Variants in STN1 observed in about 807,000 individuals in gnomAD.
STN1 encodes CST complex subunit STN1.
A neutral mutation model predicts 45.5 loss-of-function variants in STN1; 29 were observed. That is an observed-to-expected ratio of 0.64 (90% CI 0.47 to 0.87). STN1 has a LOEUF of 0.87. STN1 is among the 40% of genes least tolerant of loss of function. The pLI is 0.00. For synonymous variants in STN1, 148 were observed against 159.0 expected (o/e 0.93, Z 0.52); for missense variants, 376 against 441.4 (o/e 0.85, Z 1.33).
At position 103,900,156 on chromosome 10, in the gene STN1, C is replaced by T; in HGVS notation, c.363G>A (p.Glu121=). Residue 121 remains glutamate, a synonymous_variant, in exon 5 of 10, where the codon GAG becomes GAA. Transcript: ENST00000224950. ...CCCCGATCTCTATCTTTGTTTTCTG[C>T]TCAATGGTCTCTTGTAGCTTCTTAA... ...SQLKKLQETI[E]QKTKIEIGDT... 1 of 1,614,162 alleles carries T rather than the reference C, an allele frequency of 6.2e-7. No individual in the cohort carries two copies. The highest frequency in any genetic ancestry group is 8.5e-7 in the Non-Finnish European group (1 of 1,180,018).
At position 103,878,208 on chromosome 10, in the gene STN1, A is replaced by G. The variant is rs1298115029; in HGVS notation, c.*4476T>C. Reference sequence around the variant, plus strand: ...GCACTATTTGTCTTCTTGCCTACACAAGCTACATGTGGGGTTCACACCTCC... The same window carrying G: ...GCACTATTTGTCTTCTTGCCTACACGAGCTACATGTGGGGTTCACACCTCC... On this transcript the variant is annotated 3_prime_UTR_variant, in exon 10 of 10. Coordinates refer to ENST00000224950, the MANE Select transcript of STN1 (RefSeq NM_024928.5). 1 of 152,218 alleles carries G rather than the reference A, an allele frequency of 6.6e-6. No homozygotes were observed. The highest frequency in any genetic ancestry group is 1.5e-5 in the Non-Finnish European group (1 of 68,042). The allele number at this position is 152,218 out of a possible 1,614,324, so 9.4% of individuals were successfully genotyped here. A position where few individuals can be genotyped will look rare whatever the true frequency, so the allele number is the denominator to read the frequency against.
At chr10:103,910,223 C>T (rs1843280653) in intron 3 of STN1, among the ~76,000 whole-genome samples, 1 of 152,162 alleles carries the variant, frequency 6.6e-6, no homozygotes, top group South Asian at 2.1e-4. Context: ...CAGATATACC[C>T]TTTGGCATCA....
intron 3 of STN1, among the ~76,000 whole-genome samples, chr10:103,909,540 G>A (rs1843276295): frequency 1.5e-5 from 1 of 66,192 alleles, no homozygotes. Context: ...ACATATATAT[G>A]TACATATATA....
At chr10:103,900,734 T>A (rs891753148) in intron 4 of STN1, among the ~76,000 whole-genome samples, 6 of 147,340 alleles carry the variant, frequency 4.1e-5, no homozygotes, top group South Asian at 4.4e-4. Flanking sequence ...ACACACACTC[T>A]CTCTCTCTCT....
Position 103,877,575 on chromosome 10 carries a change from T to C in STN1, c.*5109A>G, listed in dbSNP as rs1225299634. ...ACAGAACCTTTTGCTGTACTGTGATTTACCTATTCAGGTTTATTTAATAAA... is the reference window on the plus strand; with the variant it reads ...ACAGAACCTTTTGCTGTACTGTGATCTACCTATTCAGGTTTATTTAATAAA... On this transcript the variant is annotated 3_prime_UTR_variant, in exon 10 of 10. Coordinates refer to ENST00000224950, the MANE Select transcript of STN1 (RefSeq NM_024928.5). 1 of 152,232 alleles carries C rather than the reference T, an allele frequency of 6.6e-6. No homozygotes were observed. Among genetic ancestry groups the C allele is most frequent in the Non-Finnish European group, 1.5e-5 (1 of 68,038 alleles). 9.4% of individuals were successfully genotyped at this position (152,232 alleles called of 1,614,324 possible). A position where few individuals can be genotyped will look rare whatever the true frequency, so the allele number is the denominator to read the frequency against.
At chr10:103,903,285 ACTCCCCAT>A (rs1158356204) in intron 4 of STN1, among the ~76,000 whole-genome samples, 3 of 152,158 alleles carry the variant, frequency 2.0e-5, no homozygotes, top group African/African-American at 7.2e-5. Flanking sequence ...AACTTTGCTG[ACTCCCCAT>A]CTAGAACAAG....
rs1437446421 is a variant in STN1, at chr10:103,880,477, C to T, written c.*2207G>A. 1.3e-5 allele frequency among the ~76,000 whole-genome samples: 2 copies of T among 152,196 alleles called. No homozygotes were observed. On this transcript the variant is annotated 3_prime_UTR_variant, in exon 10 of 10. Transcript: ENST00000224950. ...TGAACGTGGGGTTTCATTTGGGACC[C>T]TCCCCTCTCTGCCTAGGCATTTGGC...
chr10:103,907,391 T>A (rs1443876803), intron 3 of STN1, among the ~76,000 whole-genome samples: 1 of 152,344 alleles, frequency 6.6e-6, no homozygotes, highest in South Asian at 2.1e-4. Context: ...CATTAAACAG[T>A]GTATTTTGAC....
chr10:103,888,485 C>T (rs1031993254), intron 9 of STN1, among the ~76,000 whole-genome samples: 1 of 152,152 alleles, frequency 6.6e-6, no homozygotes, highest in Non-Finnish European at 1.5e-5. Context: ...AGTGTCTAAC[C>T]ACTAGGGGCT....
chr10:103,917,365 G>A, intron 2 of STN1, 97 bp downstream of exon 2: 1 of 1,172,088 alleles, frequency 8.5e-7, no homozygotes, highest in South Asian at 1.6e-5. Context: ...CTGCAGCAGG[G>A]AAGGCTCTCC....
At chr10:103,893,523 T>C (rs1026698651) in intron 7 of STN1, among the ~76,000 whole-genome samples, 5 of 151,978 alleles carry the variant, frequency 3.3e-5, no homozygotes, top group Admixed American at 3.3e-4. Context: ...AAGATCAGAG[T>C]TCCAAACAAA....
At chr10:103,917,746 A>T (rs1269297903) in intron 1 of STN1, 90 bp from the exon 2 acceptor site, 1 of 746,312 alleles carries the variant, frequency 1.3e-6, no homozygotes, top group Non-Finnish European at 2.1e-6. Context: ...GGCGTCCAGG[A>T]CTCCAGGAGG....
At position 103,910,581 on chromosome 10, in the gene STN1, C is replaced by T. The variant is rs758380334; in HGVS notation, c.175G>A (p.Val59Ile). 4.3e-6 allele frequency: 7 copies of T among 1,611,056 alleles called. No individual in the cohort carries two copies. In the Admixed American group the frequency reaches 6.7e-5, roughly 15 times the overall value. Residue 59 changes from valine (V) to isoleucine (I), a missense_variant, in exon 3 of 10, where the codon GTC becomes ATC. Val to Ile is a conservative substitution (Grantham distance 29). Coordinates refer to ENST00000224950, the MANE Select transcript of STN1 (RefSeq NM_024928.5). ...YNGHPIKQVD[V>I]LGTVIGVRER... ...CTCACTCCAATGACAGTTCCCAAGA[C>T]ATCTACCTGTTTTATTGGATGTCCA...
chr10:103,911,957 T>C (rs1843294982), intron 2 of STN1, among the ~76,000 whole-genome samples: 1 of 152,086 alleles, frequency 6.6e-6, no homozygotes, highest in Non-Finnish European at 1.5e-5. Context: ...GACGTGGTTT[T>C]AAGAAATAAG....
chr10:103,913,124 G>A (rs1843302810), intron 2 of STN1, among the ~76,000 whole-genome samples: 1 of 152,238 alleles, frequency 6.6e-6, no homozygotes, highest in African/African-American at 2.4e-5. Context: ...TTCAGATGGG[G>A]AGAAGAGTGG....
intron 7 of STN1, 67 bp from the exon 8 acceptor site, chr10:103,892,319 C>G: frequency 7.1e-7 from 1 of 1,417,112 alleles, no homozygotes; most frequent in South Asian, 1.4e-5. Flanking sequence ...GAGAACAACT[C>G]CTAGACCAAC....
At chr10:103,891,807 G>A (rs1239223784) in intron 8 of STN1, among the ~76,000 whole-genome samples, 1 of 152,180 alleles carries the variant, frequency 6.6e-6, no homozygotes, top group African/African-American at 2.4e-5. Flanking sequence ...CTCAAGTCCT[G>A]AAGTTGGCTC....
chr10:103,892,735 GGCTGT>G (rs958327493), intron 7 of STN1, among the ~76,000 whole-genome samples: 32 of 152,198 alleles, frequency 2.1e-4, no homozygotes, highest in African/African-American at 7.2e-4. Flanking sequence ...GGACAACAGA[GGCTGT>G]GCAGAGATCC....
In STN1 at chr10:103,900,111, G is replaced by C. The variant is rs780606000; in HGVS notation, c.408C>G (p.Gly136=). 1.5e-5 allele frequency: 25 copies of C among 1,614,180 alleles called. No individual in the cohort carries two copies. The highest frequency in any genetic ancestry group is 2.1e-5 in the Non-Finnish European group (25 of 1,180,014). ...GCTCTTCTCTGTATGTGCGGATACTGCCTCTGACTCGGATCGTGTCCCCGA... is the reference window on the plus strand; with the variant it reads ...GCTCTTCTCTGTATGTGCGGATACTCCCTCTGACTCGGATCGTGTCCCCGA... ...IEIGDTIRVR[G]SIRTYREERE... Residue 136 remains glycine (G), a synonymous_variant, in exon 5 of 10, where the codon GGC becomes GGG. Transcript: ENST00000224950.
Sources: allele counts gnomAD v4.1 joint callset (sites outside exome capture counted in the v4.1 genomes callset), GRCh38; gene constraint gnomAD v4.1.1; transcripts MANE v1.5; gene names NCBI Gene and HGNC (gene_info 2026-07-23, HGNC 2026-07-21).